Variants in VPS37A observed in about 807,000 individuals in gnomAD.
The protein encoded by VPS37A is VPS37A subunit of ESCRT-I, also known as vacuolar protein sorting-associated protein 37A.
A neutral mutation model predicts 49.8 loss-of-function variants in VPS37A; 30 were observed. The ratio of observed to expected loss-of-function variants is 0.60; its 90% CI spans 0.45 to 0.82. The LOEUF is 0.82. Ranked by LOEUF, VPS37A falls within the 40% of genes least tolerant of loss-of-function variation. The probability of loss-of-function intolerance (pLI) is 0.00; values close to 1 mark genes in which losing one functional copy is unlikely to be tolerated. For missense variants in VPS37A, 593 were observed against 464.4 expected (o/e 1.28, Z -2.55); for synonymous variants, 195 against 160.6 (o/e 1.21, Z -1.62).
chr8:17,282,815 C>G (rs1263829732), intron 9 of VPS37A, among the ~76,000 whole-genome samples: 1 of 152,024 alleles, frequency 6.6e-6, no homozygotes, highest in Non-Finnish European at 1.5e-5. Context: ...TCAAAATTTT[C>G]TGGGGATGAT....
the VPS37A span, among the ~76,000 whole-genome samples, chr8:17,327,630 A>T: frequency 8.0e-6 from 1 of 124,566 alleles, no homozygotes; most frequent in Admixed American, 7.6e-5. Flanking sequence ...CCCTAAGAGG[A>T]AGAAACCTGG....
chr8:17,284,531 A>C lies in VPS37A; in HGVS notation c.1028A>C (p.Glu343Ala), dbSNP rs533438612. The C allele has an allele frequency of 6.2e-7, 1 of 1,600,254 alleles. No homozygotes were observed. Among genetic ancestry groups the C allele is most frequent in the Non-Finnish European group, 8.5e-7 (1 of 1,175,494 alleles). The change falls in exon 10 of 12, where the codon GAA becomes GCA. Residue 343 changes from glutamate to alanine, a missense_variant. Glu to Ala is a moderately radical substitution (Grantham distance 107). Coordinates refer to ENST00000324849, the MANE Select transcript of VPS37A (RefSeq NM_152415.3). Reference protein sequence around the residue: ...RLKVAAHEAEEESDNIAEDFL... With the variant: ...RLKVAAHEAEAESDNIAEDFL... ...AAAGTAGCTGCACATGAAGCTGAGGAAGAATCTGATAATATTGCAGAAGAC... is the reference window on the plus strand; with the variant it reads ...AAAGTAGCTGCACATGAAGCTGAGGCAGAATCTGATAATATTGCAGAAGAC...
At chr8:17,331,248 C>G in the VPS37A span, 7 of 1,611,240 alleles carry the variant, frequency 4.3e-6, no homozygotes, top group Non-Finnish European at 5.1e-6. Flanking sequence ...ATTCTCATAG[C>G]CTTTCCCTGC....
chr8:17,328,374 G>T, the VPS37A span, among the ~76,000 whole-genome samples: 3,573 of 152,210 alleles, frequency 0.023, 140 homozygotes, highest in African/African-American at 0.081. Flanking sequence ...ATAATAATAG[G>T]CTGGCCTTGA....
intron 11 of VPS37A, among the ~76,000 whole-genome samples, chr8:17,293,821 G>A (rs994549955): frequency 2.0e-5 from 3 of 152,138 alleles, no homozygotes; most frequent in Non-Finnish European, 4.4e-5. Context: ...CCTTCCTCTG[G>A]AAGCTTTGTC....
the VPS37A span, among the ~76,000 whole-genome samples, chr8:17,323,705 C>T: frequency 6.6e-6 from 1 of 152,124 alleles, no homozygotes; most frequent in Non-Finnish European, 1.5e-5. Flanking sequence ...AGGACCAACA[C>T]TCCTATGAAC....
At chr8:17,304,447 A>G (rs1010790434), downstream of VPS37A, 2 of 1,614,114 alleles carry the variant, frequency 1.2e-6, no homozygotes, top group Non-Finnish European at 8.5e-7. Flanking sequence ...GATCAGCTCT[A>G]AACAGAGGAT....
the VPS37A span, among the ~76,000 whole-genome samples, chr8:17,308,672 A>T: frequency 6.6e-6 from 1 of 152,214 alleles, no homozygotes; most frequent in African/African-American, 2.4e-5. Flanking sequence ...TACAGGCATC[A>T]ACACTGACAA....
At chr8:17,257,831 A>T (rs1812612943) in intron 1 of VPS37A, among the ~76,000 whole-genome samples, 1 of 152,002 alleles carries the variant, frequency 6.6e-6, no homozygotes, top group Non-Finnish European at 1.5e-5. Flanking sequence ...AGTGTTCTAT[A>T]GTTTTCCTTG....
intron 6 of VPS37A, among the ~76,000 whole-genome samples, chr8:17,277,792 G>A (rs922737667): frequency 9.3e-5 from 14 of 150,820 alleles, no homozygotes; most frequent in African/African-American, 3.2e-4. Context: ...TCCACCTATT[G>A]CATTTGGATA....
the VPS37A span, among the ~76,000 whole-genome samples, chr8:17,316,464 T>TAAAA: frequency 7.0e-6 from 1 of 143,476 alleles, no homozygotes. Flanking sequence ...AACAGTACAG[T>TAAAA]AAAAAAAAAA....
At chr8:17,327,169 G>C in the VPS37A span, among the ~76,000 whole-genome samples, 1 of 152,170 alleles carries the variant, frequency 6.6e-6, no homozygotes, top group Admixed American at 6.5e-5. Context: ...CTATCAAGAA[G>C]GTGAAGTAAA....
the VPS37A span, among the ~76,000 whole-genome samples, chr8:17,332,449 T>C: frequency 6.6e-6 from 1 of 152,166 alleles, no homozygotes; most frequent in East Asian, 1.9e-4. Flanking sequence ...CACAATGGTT[T>C]ATCATGCCCT....
intron 1 of VPS37A, among the ~76,000 whole-genome samples, chr8:17,256,550 C>T (rs1225956738): frequency 1.3e-5 from 2 of 151,796 alleles, no homozygotes; most frequent in African/African-American, 4.8e-5. Flanking sequence ...AATCCTTTGT[C>T]AGATGGATAG....
At chr8:17,252,776 A>C (rs1288677989) in intron 1 of VPS37A, among the ~76,000 whole-genome samples, 1 of 152,088 alleles carries the variant, frequency 6.6e-6, no homozygotes, top group African/African-American at 2.4e-5. Flanking sequence ...TGATAGGAAA[A>C]CTTCTTTATG....
chr8:17,272,858 T>TTC (rs10681323), intron 4 of VPS37A, among the ~76,000 whole-genome samples: 93,602 of 151,600 alleles, frequency 0.62, 30,538 homozygotes, highest in African/African-American at 0.82. Context: ...TCCGTGTCAC[T>TTC]TTTTTCCCTT....
intron 6 of VPS37A, 24 bp downstream of exon 6, chr8:17,276,491 T>C (rs1489858573): frequency 6.3e-7 from 1 of 1,590,582 alleles, no homozygotes; most frequent in Non-Finnish European, 8.6e-7. Context: ...GTAAAGTTGG[T>C]CACATTGTCT....
Position 17,252,536 on chromosome 8 carries a change from T to C in VPS37A, c.125+5167T>C, listed in dbSNP as rs561668100. Among the ~76,000 whole-genome samples, 12 of 152,256 alleles carry C rather than the reference T, an allele frequency of 7.9e-5. No individual in the cohort carries two copies. In the South Asian group the frequency reaches 2.1e-3, roughly 26 times the overall value. On this transcript the variant is annotated intron_variant, in intron 1 of 11. Coordinates refer to ENST00000324849, the MANE Select transcript of VPS37A (RefSeq NM_152415.3). ...GTGTAGTTTTATGTTCACAGCAAAA[T>C]TAAAAGGCAGAAGATTTCCCCTATG...
intron 4 of VPS37A, among the ~76,000 whole-genome samples, chr8:17,273,502 G>T (rs905564654): frequency 6.6e-6 from 1 of 152,064 alleles, no homozygotes; most frequent in Non-Finnish European, 1.5e-5. Flanking sequence ...GAGTAGCTGG[G>T]ACTACAGGCG....
Sources: allele counts gnomAD v4.1 joint callset (sites outside exome capture counted in the v4.1 genomes callset), GRCh38; gene constraint gnomAD v4.1.1; transcripts MANE v1.5; gene names NCBI Gene and HGNC (gene_info 2026-07-23, HGNC 2026-07-21).